MAP3K13: variants seen among roughly 807,000 people sequenced by gnomAD.
The protein encoded by MAP3K13 is mitogen-activated protein kinase kinase kinase 13.
A neutral mutation model predicts 104.0 loss-of-function variants in MAP3K13; 52 were observed. The observed-to-expected ratio is 0.50, with a 90% confidence interval of 0.40 to 0.63. The LOEUF is 0.63. Ranked by LOEUF, MAP3K13 falls within the 20% of genes least tolerant of loss-of-function variation. The pLI is 0.00. For synonymous variants in MAP3K13, 394 were observed against 442.2 expected (o/e 0.89, Z 1.37); for missense variants, 914 against 1,218.5 (o/e 0.75, Z 3.72).
chr3:185,447,710 C>T, intron 4 of MAP3K13, 79 bp from the exon 5 acceptor site: 4 of 1,124,000 alleles, frequency 3.6e-6, no homozygotes, highest in Non-Finnish European at 5.1e-6. Flanking sequence ...CAGATAAAGT[C>T]TTCAGTTTCA....
intron 2 of MAP3K13, among the ~76,000 whole-genome samples, chr3:185,298,113 C>T (rs975553162): frequency 6.6e-6 from 1 of 152,122 alleles, no homozygotes; most frequent in African/African-American, 2.4e-5. Flanking sequence ...ATTTTTGAGG[C>T]AAAAGATAAG....
In MAP3K13 at chr3:185,473,465, G is replaced by A. The variant is rs56309231; in HGVS notation, c.2134G>A (p.Glu712Lys). The part of the protein sequence containing the change: ...AMAADCWRSS[E>K]PDKGQAGPWG... ...GGCTGCAGACTGCTGGAGAAGTTCT[G>A]AGCCTGACAAGGGCCAAGCTGGTCC... Residue 712 changes from glutamate to lysine, a missense_variant, in exon 11 of 14, where the codon GAG becomes AAG. By Grantham distance (56) the Glu-to-Lys change is moderately conservative. This residue lies in a region of MAP3K13 where 583 missense variants were observed against 737.4 expected (regional missense o/e 0.79). Coordinates refer to ENST00000265026, the MANE Select transcript of MAP3K13 (RefSeq NM_004721.5). This position sits in a 1 kb window ranked among gnomAD's most constrained non-coding sequence, Gnocchi z 4.9. 3.8e-3 allele frequency: 6,094 copies of A among 1,614,174 alleles called. 19 individuals are homozygous for A. The highest frequency in any genetic ancestry group is 4.8e-3 in the Non-Finnish European group (5,614 of 1,180,038).
intron 1 of MAP3K13, among the ~76,000 whole-genome samples, chr3:185,407,407 T>C (rs1286667478): frequency 6.6e-6 from 1 of 152,206 alleles, no homozygotes; most frequent in African/African-American, 2.4e-5. Context: ...TGCTAAAGGA[T>C]TCTAAATACA....
chr3:185,325,614 G>C (rs1188601147), intron 2 of MAP3K13, among the ~76,000 whole-genome samples: 1 of 152,214 alleles, frequency 6.6e-6, no homozygotes, highest in Non-Finnish European at 1.5e-5. Flanking sequence ...GAGAAGGTAA[G>C]AAGGACCAGG....
intron 2 of MAP3K13, among the ~76,000 whole-genome samples, chr3:185,322,560 G>A (rs974578375): frequency 1.3e-5 from 2 of 152,066 alleles, no homozygotes; most frequent in East Asian, 1.9e-4. Context: ...AGTTTTGGCC[G>A]CTCCTTCCTC....
rs537302743 is a variant in MAP3K13, at chr3:185,304,891, C to G, written c.-86+19248C>G. ...TTGTGATCCGCCCCCTTCGGCCTCCCAAAGTGCTGGGATTACAGGCGTGAG... is the reference window on the plus strand; with the variant it reads ...TTGTGATCCGCCCCCTTCGGCCTCCGAAAGTGCTGGGATTACAGGCGTGAG... On this transcript the variant is annotated intron_variant, in intron 2 of 14. Coordinates refer to the MAP3K13 transcript ENST00000424227. Among the ~76,000 whole-genome samples the G allele has an allele frequency of 9.2e-5, 14 of 151,884 alleles. No homozygotes were observed. In the South Asian group the frequency reaches 2.9e-3, roughly 32 times the overall value.
intron 7 of MAP3K13, among the ~76,000 whole-genome samples, chr3:185,459,038 G>A (rs903532060): frequency 4.6e-5 from 7 of 152,118 alleles, no homozygotes; most frequent in Admixed American, 3.3e-4. Context: ...CAGGTGGATC[G>A]TGTGCCTGGC....
Position 185,418,296 on chromosome 3 carries a change from G to C in MAP3K13, c.-85-10201G>C, listed in dbSNP as rs1713913667. Reference sequence around the variant, plus strand: ...GCAAAACAGCTTCCTTGGTCTTCTTGTAGCCTTCAACTTTATCTTCAAATA... The same window carrying C: ...GCAAAACAGCTTCCTTGGTCTTCTTCTAGCCTTCAACTTTATCTTCAAATA... On this transcript the variant is annotated intron_variant, in intron 1 of 13. Transcript: ENST00000265026. The surrounding 1 kb of genome is among the most constrained non-coding windows in gnomAD (Gnocchi z 4.5). 7 of 1,582,026 alleles carry C rather than the reference G, an allele frequency of 4.4e-6. No homozygotes were observed. Among genetic ancestry groups the C allele is most frequent in the Non-Finnish European group, 6.1e-6 (7 of 1,152,754 alleles).
chr3:185,399,602 G>A (rs1577509908), intron 1 of MAP3K13, among the ~76,000 whole-genome samples: 2 of 129,550 alleles, frequency 1.5e-5, no homozygotes, highest in South Asian at 5.3e-4. Context: ...GTGAGACTCC[G>A]TCAGAAAGAA....
chr3:185,308,894 C>T (rs750889467), intron 2 of MAP3K13, among the ~76,000 whole-genome samples: 27 of 152,168 alleles, frequency 1.8e-4, no homozygotes, highest in South Asian at 4.2e-4. Flanking sequence ...TTTGAGCTTG[C>T]CTGGGATACT....
chr3:185,348,117 TCTC>T (rs1723005136), intron 2 of MAP3K13, among the ~76,000 whole-genome samples: 1 of 152,000 alleles, frequency 6.6e-6, no homozygotes, highest in African/African-American at 2.4e-5. Flanking sequence ...CAACAAATAA[TCTC>T]CTGGGGAAAA....
At chr3:185,337,240 C>T (rs1327819811) in intron 2 of MAP3K13, among the ~76,000 whole-genome samples, 2 of 152,094 alleles carry the variant, frequency 1.3e-5, no homozygotes, top group Non-Finnish European at 2.9e-5. Flanking sequence ...TTGTGAGATG[C>T]GTAGCAGTGG....
Position 185,298,802 on chromosome 3 carries a change from C to CA in MAP3K13, c.-86+13167dup, listed in dbSNP as rs537111856. Among the ~76,000 whole-genome samples the CA allele has an allele frequency of 2.1e-4, 32 of 151,778 alleles. No individual in the cohort carries two copies. The South Asian group carries it at 3.9e-3, about 19-fold the overall frequency. The stretch of plus-strand genomic sequence containing the variant: ...CACTAATTTTGCCATATAGTGAGGA[C>CA]AAAAAAAACATGTCTAGGCGTTTAA... On this transcript the variant is annotated intron_variant, in intron 2 of 14. Transcript: ENST00000424227.
chr3:185,357,447 T>TAAAAAAAAAAAAAAAAAAAAAAAA (rs71162295), intron 2 of MAP3K13, among the ~76,000 whole-genome samples: 1 of 91,398 alleles, frequency 1.1e-5, no homozygotes, highest in Non-Finnish European at 2.2e-5. Flanking sequence ...AAACTCCATC[T>TAAAAAAAAAAAAAAAAAAAAAAAA]AAAAAAAAAA....
intron 2 of MAP3K13, among the ~76,000 whole-genome samples, chr3:185,287,436 T>G (rs1369614483): frequency 6.6e-6 from 1 of 152,220 alleles, no homozygotes; most frequent in East Asian, 1.9e-4. Flanking sequence ...ATTGGCAATC[T>G]CATTTTGTAT....
chr3:185,293,031 G>A (rs187268802), intron 2 of MAP3K13: 17 of 985,020 alleles, frequency 1.7e-5, no homozygotes, highest in Non-Finnish European at 1.9e-5. Context: ...GTGTGTGAAC[G>A]TGTGTGTACT....
At chr3:185,455,139 ATATATATGTGAGATATATAT>A (rs1294883763) in intron 7 of MAP3K13, among the ~76,000 whole-genome samples, 28 of 106,620 alleles carry the variant, frequency 2.6e-4, no homozygotes, top group African/African-American at 3.6e-4. Flanking sequence ...TATATATATG[ATATATATGTGAGATATATAT>A]GATATATATG....
intron 2 of MAP3K13, among the ~76,000 whole-genome samples, chr3:185,317,399 T>C (rs1721715749): frequency 1.3e-5 from 2 of 152,194 alleles, no homozygotes. Context: ...TGGCTCATGC[T>C]GGAAAGGAAA....
intron 2 of MAP3K13, among the ~76,000 whole-genome samples, chr3:185,325,711 C>T (rs990376279): frequency 2.6e-5 from 4 of 152,170 alleles, no homozygotes; most frequent in African/African-American, 9.6e-5. Flanking sequence ...TCAAGTGTTC[C>T]CTTGTCAATC....
Sources: allele counts gnomAD v4.1 joint callset (sites outside exome capture counted in the v4.1 genomes callset), GRCh38; gene constraint gnomAD v4.1.1; regional missense constraint gnomAD v4.1.1; non-coding constraint Gnocchi (gnomAD v3.1); transcripts MANE v1.5; gene names NCBI Gene and HGNC (gene_info 2026-07-23, HGNC 2026-07-21).